The following OR2AK2 variants were observed in gnomAD, a reference collection of about 807,000 sequenced individuals.
OR2AK2 encodes the protein olfactory receptor 2AK2.
For missense variants in OR2AK2, 392 were observed against 384.1 expected (o/e 1.02, Z -0.17); for synonymous variants, 139 against 147.2 (o/e 0.94, Z 0.40).
chr1:247,965,400 T>C, exon 1 of OR2AK2: 8 of 1,611,056 alleles, frequency 5.0e-6, no homozygotes, highest in Non-Finnish European at 6.8e-6. Flanking sequence ...ATCAAAGTTT[T>C]GGGACAGATT....
exon 1 of OR2AK2, chr1:247,966,216 T>C: frequency 1.2e-6 from 2 of 1,613,746 alleles, no homozygotes; most frequent in Non-Finnish European, 1.7e-6. Context: ...TTTACACCAT[T>C]GTCACACCTC....
exon 1 of OR2AK2, chr1:247,966,196 G>A (rs1660970747): frequency 1.2e-6 from 2 of 1,613,888 alleles, no homozygotes; most frequent in African/African-American, 1.3e-5. Flanking sequence ...GGATAAGGCG[G>A]TGGCAGTATT....
chr1:247,965,581 G>A (rs747786335), exon 1 of OR2AK2: 23 of 1,595,776 alleles, frequency 1.4e-5, no homozygotes, highest in African/African-American at 1.1e-4. Flanking sequence ...GCTCTCCATC[G>A]TTGACCTCAT....
exon 1 of OR2AK2, chr1:247,966,140 C>T (rs1348193582): frequency 6.2e-7 from 1 of 1,614,080 alleles, no homozygotes; most frequent in Non-Finnish European, 8.5e-7. Context: ...TATGCAACCA[C>T]TCTCTTTACC....
At chr1:247,965,539 C>T (rs750171007) in exon 1 of OR2AK2, 5 of 1,612,456 alleles carry the variant, frequency 3.1e-6, no homozygotes, top group Non-Finnish European at 4.2e-6. Context: ...GAACACCAGA[C>T]TCCACACTCC....
At chr1:247,965,552 T>A in exon 1 of OR2AK2, 1 of 1,610,292 alleles carries the variant, frequency 6.2e-7, no homozygotes, top group East Asian at 2.2e-5. Flanking sequence ...CACACTCCAA[T>A]GTACTTTCTG....
exon 1 of OR2AK2, chr1:247,966,198 G>T: frequency 6.2e-7 from 1 of 1,613,812 alleles, no homozygotes; most frequent in South Asian, 1.1e-5. Context: ...ATAAGGCGGT[G>T]GCAGTATTTT....
exon 1 of OR2AK2, chr1:247,965,857 T>C: frequency 6.2e-7 from 1 of 1,612,976 alleles, no homozygotes; most frequent in African/African-American, 1.3e-5. Flanking sequence ...CATACATACA[T>C]TGTATGTGTT....
exon 1 of OR2AK2, chr1:247,965,280 T>A (rs1005234155): frequency 3.6e-6 from 5 of 1,381,178 alleles, no homozygotes; most frequent in Non-Finnish European, 4.9e-6. Context: ...GAATATTTAT[T>A]TCTGAATGCC....
At chr1:247,965,845 T>C (rs776532298) in exon 1 of OR2AK2, 1 of 1,613,616 alleles carries the variant, frequency 6.2e-7, no homozygotes, top group South Asian at 1.1e-5. Flanking sequence ...TATCAATGCT[T>C]TCATACATAC....
At chr1:247,966,123 C>T in exon 1 of OR2AK2, 1 of 1,614,148 alleles carries the variant, frequency 6.2e-7, no homozygotes, top group Non-Finnish European at 8.5e-7. Context: ...TTGTGGCAAG[C>T]CTGTTCTATG....
exon 1 of OR2AK2, chr1:247,966,198 G>C: frequency 6.2e-7 from 1 of 1,613,812 alleles, no homozygotes; most frequent in Non-Finnish European, 8.5e-7. Context: ...ATAAGGCGGT[G>C]GCAGTATTTT....
At chr1:247,965,762 C>A (rs1356034882) in exon 1 of OR2AK2, 1 of 1,580,142 alleles carries the variant, frequency 6.3e-7, no homozygotes, top group East Asian at 2.2e-5. Context: ...ATCTGTCACC[C>A]TTTACATTAT....
exon 1 of OR2AK2, chr1:247,966,250 C>A (rs1219951619): frequency 1.2e-6 from 2 of 1,613,010 alleles, no homozygotes; most frequent in Admixed American, 1.7e-5. Flanking sequence ...TATCTACAGC[C>A]TGAGAAATAA....
chr1:247,965,756 G>A, exon 1 of OR2AK2: 1 of 1,575,062 alleles, frequency 6.3e-7, no homozygotes, highest in Non-Finnish European at 8.6e-7. Flanking sequence ...GTAGCTATCT[G>A]TCACCCTTTA....
At chr1:247,965,555 A>G in exon 1 of OR2AK2, 1 of 1,609,590 alleles carries the variant, frequency 6.2e-7, no homozygotes, top group Non-Finnish European at 8.5e-7. Context: ...ACTCCAATGT[A>G]CTTTCTGCTC....
chr1:247,966,080 C>CAAA (rs1219684483), exon 1 of OR2AK2: 2 of 1,614,158 alleles, frequency 1.2e-6, no homozygotes, highest in East Asian at 2.2e-5. Context: ...AAAGGACAGG[C>CAAA]AAAAGCTGTT....
At chr1:247,965,726 T>A in exon 1 of OR2AK2, 1 of 1,559,146 alleles carries the variant, frequency 6.4e-7, no homozygotes, top group East Asian at 2.2e-5. Context: ...CTCCTTGGTT[T>A]TATGTCTTAT....
At chr1:247,965,626 A>C in exon 1 of OR2AK2, 1 of 1,556,390 alleles carries the variant, frequency 6.4e-7, no homozygotes, top group Non-Finnish European at 8.7e-7. Flanking sequence ...GATGGCAGTC[A>C]GCTTCCTCTC....
Sources: gnomAD v4.1 joint callset for allele counts on GRCh38, gnomAD v4.1.1 for gene constraint, MANE v1.5 for transcripts, NCBI Gene and HGNC (gene_info 2026-07-23, HGNC 2026-07-21) for gene names.